TNNI3K: variants seen among roughly 807,000 people sequenced by gnomAD.
TNNI3K encodes the protein serine/threonine-protein kinase TNNI3K.
In TNNI3K, 140 loss-of-function variants were observed where a neutral mutation model predicts 114.5. That is an observed-to-expected ratio of 1.22 (90% CI 1.07 to 1.41). The LOEUF is 1.41. TNNI3K is among the 40% of genes most tolerant of loss of function. The probability of loss-of-function intolerance (pLI) is 0.00; values close to 1 mark genes in which losing one functional copy is unlikely to be tolerated. For synonymous variants in TNNI3K, 347 were observed against 347.5 expected (o/e 1.00, Z 0.02); for missense variants, 1,125 against 1,007.6 (o/e 1.12, Z -1.58).
chr1:74,459,178 G>A (rs964494456), intron 20 of TNNI3K, among the ~76,000 whole-genome samples: 1 of 152,110 alleles, frequency 6.6e-6, no homozygotes, highest in Admixed American at 6.6e-5. Context: ...ACAAAATAAT[G>A]TCCATTGCAG....
intron 23 of TNNI3K, among the ~76,000 whole-genome samples, chr1:74,513,233 G>T (rs781334114): frequency 2.0e-5 from 3 of 152,124 alleles, no homozygotes; most frequent in Non-Finnish European, 2.9e-5. Context: ...TTCCTAGTTC[G>T]TTTATTCAGC....
intron 5 of TNNI3K, among the ~76,000 whole-genome samples, chr1:74,310,408 A>G (rs907471342): frequency 6.6e-6 from 1 of 152,240 alleles, no homozygotes; most frequent in Non-Finnish European, 1.5e-5. Context: ...AGCAATCTGC[A>G]GATTCAGTGC....
At chr1:74,443,316 G>T (rs976298581) in intron 20 of TNNI3K, among the ~76,000 whole-genome samples, 1 of 151,938 alleles carries the variant, frequency 6.6e-6, no homozygotes, top group Non-Finnish European at 1.5e-5. Flanking sequence ...AATAAAAAAT[G>T]ATAAAGAGGA....
intron 17 of TNNI3K, among the ~76,000 whole-genome samples, chr1:74,392,107 A>C (rs566293126): frequency 6.6e-6 from 1 of 152,030 alleles, no homozygotes; most frequent in South Asian, 2.1e-4. Flanking sequence ...ACTTCACAAT[A>C]AGTTTATCAA....
chr1:74,491,465 C>A (rs2100302181), intron 22 of TNNI3K, among the ~76,000 whole-genome samples: 1 of 152,236 alleles, frequency 6.6e-6, no homozygotes. Context: ...TGGTGTCGAT[C>A]TCTTGACCTC....
intron 2 of TNNI3K, among the ~76,000 whole-genome samples, chr1:74,238,145 T>G (rs1302150509): frequency 1.3e-5 from 2 of 151,954 alleles, no homozygotes; most frequent in African/African-American, 4.8e-5. Context: ...CATAGAAAGT[T>G]TAGGAAAAGT....
At chr1:74,421,249 T>A (rs1557555664) in intron 17 of TNNI3K, among the ~76,000 whole-genome samples, 1 of 152,138 alleles carries the variant, frequency 6.6e-6, no homozygotes, top group Non-Finnish European at 1.5e-5. Context: ...ATCAAAACCT[T>A]ACTGACTTCT....
At chr1:74,533,360 A>T (rs1370091576) in intron 23 of TNNI3K, among the ~76,000 whole-genome samples, 1 of 152,188 alleles carries the variant, frequency 6.6e-6, no homozygotes, top group Non-Finnish European at 1.5e-5. Context: ...AACCACAATG[A>T]CATACCATCT....
At chr1:74,406,610 G>A (rs1327815675) in intron 17 of TNNI3K, among the ~76,000 whole-genome samples, 2 of 152,196 alleles carry the variant, frequency 1.3e-5, no homozygotes, top group Non-Finnish European at 2.9e-5. Context: ...GGACTACCAT[G>A]ATATTTCACA....
chr1:74,336,315 A>G (rs1660461008), intron 7 of TNNI3K, among the ~76,000 whole-genome samples, 166 bp downstream of exon 7: 2 of 152,266 alleles, frequency 1.3e-5, no homozygotes, highest in South Asian at 2.1e-4. Flanking sequence ...TCAGGCCTAC[A>G]TGCGAATCCT....
intron 13 of TNNI3K, among the ~76,000 whole-genome samples, chr1:74,368,621 G>C (rs148592481): frequency 6.6e-6 from 1 of 151,770 alleles, no homozygotes; most frequent in African/African-American, 2.4e-5. Context: ...AATGTGATAC[G>C]GACTGGACTC....
intron 5 of TNNI3K, among the ~76,000 whole-genome samples, chr1:74,277,727 A>G (rs2100238929): frequency 6.6e-6 from 1 of 152,312 alleles, no homozygotes; most frequent in East Asian, 1.9e-4. Context: ...AGTGAACAGA[A>G]AGGCATGCAG....
At chr1:74,485,759 A>G (rs1343154388) in intron 21 of TNNI3K, among the ~76,000 whole-genome samples, 2 of 152,216 alleles carry the variant, frequency 1.3e-5, no homozygotes, top group Admixed American at 6.5e-5. Flanking sequence ...GCAAATAGCC[A>G]TGTTGTGAAC....
chr1:74,525,241 T>C (rs1394864245), intron 23 of TNNI3K, among the ~76,000 whole-genome samples: 1 of 152,204 alleles, frequency 6.6e-6, no homozygotes, highest in Non-Finnish European at 1.5e-5. Flanking sequence ...TAGCTAATAC[T>C]GAGCACCTCC....
intron 21 of TNNI3K, chr1:74,470,456 C>T (rs866975601): frequency 2.0e-5 from 8 of 400,470 alleles, no homozygotes; most frequent in African/African-American, 1.2e-4. Context: ...ATTCCTTTTT[C>T]GCTACTATTG....
At chr1:74,377,119 T>G (rs1172812112) in intron 17 of TNNI3K, 1 of 152,058 alleles carries the variant, frequency 6.6e-6, no homozygotes, top group Non-Finnish European at 1.5e-5. Flanking sequence ...GAATCACATT[T>G]TAGTCTGATG....
Position 74,258,001 on chromosome 1 carries a change from C to T in TNNI3K, c.333+7232C>T, listed in dbSNP as rs117259440. Among the ~76,000 whole-genome samples, 59 of 152,228 alleles carry T rather than the reference C, an allele frequency of 3.9e-4. 1 individual carries two copies. The East Asian group carries it at 0.011, about 29-fold the overall frequency. The stretch of plus-strand genomic sequence containing the variant: ...CATACCTCTTATTCCTAGCATGTGG[C>T]TCTCACACCTGAACATGGTGCTTAC... On this transcript the variant is annotated intron_variant, in intron 4 of 24. Coordinates refer to ENST00000326637, the MANE Select transcript of TNNI3K (RefSeq NM_015978.3).
At chr1:74,286,415 C>T (rs934560634) in intron 5 of TNNI3K, among the ~76,000 whole-genome samples, 2 of 152,090 alleles carry the variant, frequency 1.3e-5, no homozygotes, top group Non-Finnish European at 2.9e-5. Context: ...CTGGGCCACC[C>T]CAGTGCCAGG....
intron 20 of TNNI3K, among the ~76,000 whole-genome samples, chr1:74,450,866 A>G (rs1243256287): frequency 1.3e-5 from 2 of 152,196 alleles, no homozygotes; most frequent in Non-Finnish European, 2.9e-5. Flanking sequence ...AGAACCAGAC[A>G]TATCATCTGA....
Sources: allele counts gnomAD v4.1 joint callset (sites outside exome capture counted in the v4.1 genomes callset), GRCh38; gene constraint gnomAD v4.1.1; transcripts MANE v1.5; gene names NCBI Gene and HGNC (gene_info 2026-07-23, HGNC 2026-07-21).